The following CHAT variants were observed in gnomAD, a reference collection of about 807,000 sequenced individuals.
The protein encoded by CHAT is choline O-acetyltransferase, also known as acetyl CoA:choline O-acetyltransferase.
A neutral mutation model predicts 76.9 loss-of-function variants in CHAT; 61 were observed. That is an observed-to-expected ratio of 0.79 (90% CI 0.65 to 0.98). CHAT has a LOEUF of 0.98. Ranked by LOEUF, CHAT falls within the 50% of genes least tolerant of loss-of-function variation. The probability of loss-of-function intolerance (pLI) is 0.00; values close to 1 mark genes in which losing one functional copy is unlikely to be tolerated. For synonymous variants in CHAT, 407 were observed against 397.4 expected, an observed-to-expected ratio of 1.02 and a Z score of -0.29; for missense variants, 946 against 986.9, an observed-to-expected ratio of 0.96 and a Z score of 0.56.
At chr10:49,654,913 G>A (rs556101303) in intron 11 of CHAT, among the ~76,000 whole-genome samples, 182 bp from the exon 12 acceptor site, 12 of 152,058 alleles carry the variant, frequency 7.9e-5, no homozygotes, top group Non-Finnish European at 1.2e-4. Context: ...TCTCCATGTG[G>A]GAGACTCCCC....
chr10:49,662,388 A>T (rs893410672), intron 13 of CHAT, among the ~76,000 whole-genome samples: 1 of 152,190 alleles, frequency 6.6e-6, no homozygotes, highest in Non-Finnish European at 1.5e-5. Context: ...TTTAGCTCAG[A>T]TGTCTCAAGC....
At position 49,620,606 on chromosome 10, in the gene CHAT, C is replaced by T. The variant is rs1838671116; in HGVS notation, c.691C>T (p.Gln231Ter). The change falls in exon 4 of 15, where the codon CAG becomes TAG. Residue 231 changes from glutamine (Q) to a stop codon, truncating the protein, a stop_gained. Transcript: ENST00000337653. LOFTEE classifies it high-confidence loss of function. ...GCAGCACTTCCCTGGCACCGATGAC[C>T]AGCTGAGGTGAGGCCTTGGTGCTCC... The part of the protein sequence containing the change: ...ARQHFPGTDD[Q>*]LRFAASLISG... 1 of 1,611,768 alleles carries T rather than the reference C, an allele frequency of 6.2e-7. No individual in the cohort carries two copies. The highest frequency in any genetic ancestry group is 1.1e-5 in the South Asian group (1 of 91,034).
intron 7 of CHAT, among the ~76,000 whole-genome samples, chr10:49,632,612 G>A (rs572612664): frequency 1.3e-5 from 2 of 152,248 alleles, no homozygotes; most frequent in East Asian, 3.9e-4. Flanking sequence ...CTAGACCAAG[G>A]AGACTGCGCT....
rs143533005 is a variant in CHAT, at chr10:49,620,836, T to C, written c.698+223T>C. 5.8e-3 allele frequency among the ~76,000 whole-genome samples: 877 copies of C among 152,352 alleles called. 5 individuals carry two copies. Among genetic ancestry groups the C allele is most frequent in the Non-Finnish European group, 9.7e-3 (662 of 68,034 alleles). On this transcript the variant is annotated intron_variant, in intron 4 of 14. Coordinates refer to ENST00000337653, the MANE Select transcript of CHAT (RefSeq NM_020549.5). ...AATTAGCCTTAGTCTATATTTATCT[T>C]GCAGTGGAATGGACACTCATGGAGG... is the stretch of plus-strand genomic sequence containing the variant.
upstream of CHAT, among the ~76,000 whole-genome samples, chr10:49,609,906 G>C (rs373885385): frequency 3.2e-3 from 487 of 152,098 alleles, 3 homozygotes; most frequent in African/African-American, 0.011. Context: ...CTGAAGCGGA[G>C]ATCGCAAGCC....
intron 13 of CHAT, among the ~76,000 whole-genome samples, chr10:49,660,503 G>T (rs1431074565): frequency 6.6e-6 from 1 of 151,512 alleles, no homozygotes; most frequent in Non-Finnish European, 1.5e-5. Context: ...AGGTAAAACT[G>T]AGAAATTCAG....
At chr10:49,635,559 T>C (rs1700610505) in intron 7 of CHAT, among the ~76,000 whole-genome samples, 1 of 152,260 alleles carries the variant, frequency 6.6e-6, no homozygotes, top group African/African-American at 2.4e-5. Flanking sequence ...AATATATGTA[T>C]AATCCAGTTT....
intron 2 of CHAT, among the ~76,000 whole-genome samples, chr10:49,619,447 G>C (rs1211670719): frequency 2.0e-5 from 3 of 152,214 alleles, no homozygotes; most frequent in Non-Finnish European, 2.9e-5. Context: ...CTGGTCAGTG[G>C]CAGGGTCAGG....
At chr10:49,642,013 T>TGGGGCCCCAA (rs1839497262) in intron 7 of CHAT, among the ~76,000 whole-genome samples, 1 of 152,182 alleles carries the variant, frequency 6.6e-6, no homozygotes, top group Non-Finnish European at 1.5e-5. Context: ...CGAGGCCTCC[T>TGGGGCCCCAA]GGCCTCTGGA....
At position 49,649,492 on chromosome 10, in the gene CHAT, G is replaced by T. The variant is rs779262476; in HGVS notation, c.1383-16G>T. 3.1e-6 allele frequency: 5 copies of T among 1,613,592 alleles called. No homozygotes were observed. The highest frequency in any genetic ancestry group is 2.7e-5 in the African/African-American group (2 of 74,936). On this transcript the variant is annotated splice_polypyrimidine_tract_variant and intron_variant, in intron 9 of 14. Transcript: ENST00000337653. ...TCTGGCCGCAGAGCCTCAGGAGGTT[G>T]CCTCTGTGCCCGCAGGACGCAGAGC...
chr10:49,625,328 T>G, intron 5 of CHAT, 145 bp from the exon 6 acceptor site: 3 of 747,234 alleles, frequency 4.0e-6, no homozygotes, highest in Non-Finnish European at 6.9e-6. Flanking sequence ...AGTGGAGAAT[T>G]GAGCTCTGCA....
upstream of CHAT, among the ~76,000 whole-genome samples, chr10:49,609,493 G>A (rs1838232920): frequency 6.6e-6 from 1 of 152,038 alleles, no homozygotes; most frequent in Admixed American, 6.5e-5. Context: ...AGGCGGAGCT[G>A]GGGGACCAGA....
At chr10:49,612,128 C>G (rs749891211), upstream of CHAT, 10 of 1,612,476 alleles carry the variant, frequency 6.2e-6, no homozygotes, top group Non-Finnish European at 8.5e-6. Context: ...CTGCTCTATG[C>G]TCCCGTCTTG....
Position 49,614,207 on chromosome 10 carries a change from G to A in CHAT, c.18G>A (p.Ala6=), listed in dbSNP as rs1348352777. Residue 6 remains alanine, a synonymous_variant, in exon 1 of 15, where the codon GCG becomes GCA. Coordinates refer to ENST00000337653, the MANE Select transcript of CHAT (RefSeq NM_020549.5). MGLRT[A]KKRGLGGGGK... is the part of the protein sequence containing the mutation. ...GGGAAGGGATGGGGCTGAGGACAGC[G>A]AAGAAGAGGGGGCTTGGGGGAGGGG... 3.0e-6 allele frequency: 4 copies of A among 1,325,206 alleles called. No individual in the cohort carries two copies. The highest frequency in any genetic ancestry group is 4.1e-6 in the Non-Finnish European group (4 of 965,884). The allele number at this position is 1,325,206 out of a possible 1,614,324, so 82.1% of individuals were successfully genotyped here.
At chr10:49,619,682 C>A (rs759397170) in intron 2 of CHAT, 43 bp from the exon 3 acceptor site, 2 of 1,584,702 alleles carry the variant, frequency 1.3e-6, no homozygotes, top group Non-Finnish European at 8.6e-7. Flanking sequence ...AGGCATGGGG[C>A]GCACATACTA....
chr10:49,640,131 C>T (rs1040751125), intron 7 of CHAT, among the ~76,000 whole-genome samples: 1 of 151,450 alleles, frequency 6.6e-6, no homozygotes, highest in African/African-American at 2.4e-5. Context: ...CTTGTTGAGG[C>T]TTTTTTATGA....
In CHAT at chr10:49,664,705, G is replaced by T; in HGVS notation, c.1978-72G>T. On this transcript the variant is annotated intron_variant, in intron 14 of 14. Transcript: ENST00000337653. ...GTCAAACCCCCAGGTGGAAAACAGA[G>T]AAGCCAAGCCCAGTCGAGGCTGGCG... 2.5e-6 allele frequency: 4 copies of T among 1,592,420 alleles called. No individual in the cohort carries two copies. The South Asian group carries it at 4.4e-5, about 18-fold the overall frequency.
chr10:49,651,740 C>G, intron 10 of CHAT, 144 bp from the exon 11 acceptor site: 1 of 757,438 alleles, frequency 1.3e-6, no homozygotes, highest in Non-Finnish European at 2.2e-6. Flanking sequence ...TCTGACACCT[C>G]AGTGCACTCC....
intron 8 of CHAT, 146 bp downstream of exon 8, chr10:49,646,820 G>C (rs1487398296): frequency 2.3e-6 from 2 of 883,224 alleles, no homozygotes; most frequent in African/African-American, 3.3e-5. Context: ...TAAGAGGCTG[G>C]GTCTGAGGGG....
Sources: gnomAD v4.1 joint callset for allele counts (sites outside exome capture counted in the v4.1 genomes callset) on GRCh38, gnomAD v4.1.1 for gene constraint, MANE v1.5 for transcripts, NCBI Gene and HGNC (gene_info 2026-07-23, HGNC 2026-07-21) for gene names.